Variants in COL6A3 observed in about 807,000 individuals in gnomAD.
COL6A3 encodes the protein collagen alpha-3(VI) chain.
In COL6A3, 137 loss-of-function variants were observed where a neutral mutation model predicts 274.1. The ratio of observed to expected loss-of-function variants is 0.50; its 90% CI spans 0.44 to 0.58. The LOEUF (loss-of-function observed/expected upper bound fraction) is 0.58, where lower values mean the gene tolerates loss of function less well. COL6A3 is among the 20% of genes least tolerant of loss of function. The pLI, the probability that COL6A3 is intolerant of heterozygous loss-of-function variation, is 0.00. For synonymous variants in COL6A3, 1,650 were observed against 1,650.6 expected, an observed-to-expected ratio of 1.00 and a Z score of 0.01; for missense variants, 3,950 against 4,124.9, an observed-to-expected ratio of 0.96 and a Z score of 1.16.
chr2:237,387,925 G>A lies in COL6A3; in HGVS notation c.969C>T (p.Gly323=). ...GFAGGELANI[G]LALDFVVENH... is the part of the protein sequence containing the mutation. ...TCTCCACCACGAAATCAAGGGCGAG[G>A]CCGATATTGGCCAACTCCCCACCAG... The change falls in exon 4 of 44, where the codon GGC becomes GGT. Residue 323 remains glycine, a synonymous_variant. Coordinates refer to ENST00000295550, the MANE Select transcript of COL6A3 (RefSeq NM_004369.4). The A allele has an allele frequency of 6.2e-7, 1 of 1,614,158 alleles. No individual in the cohort carries two copies. The highest frequency in any genetic ancestry group is 8.5e-7 in the Non-Finnish European group (1 of 1,180,020).
At chr2:237,378,586 G>A in intron 6 of COL6A3, 50 bp downstream of exon 6, 1 of 1,611,806 alleles carries the variant, frequency 6.2e-7, no homozygotes, top group Non-Finnish European at 8.5e-7. Flanking sequence ...TACCCTCCAG[G>A]GTGGTGTCTG....
At chr2:237,341,989 A>C in intron 37 of COL6A3, 76 bp downstream of exon 37, 24 of 1,144,874 alleles carry the variant, frequency 2.1e-5, no homozygotes, top group Non-Finnish European at 2.9e-5. Flanking sequence ...GATCATCATT[A>C]TTCTCTCACT....
Position 237,374,313 on chromosome 2 carries a change from G to A in COL6A3, c.3679+99C>T. 6.5e-7 allele frequency: 1 copy of A among 1,548,082 alleles called. No homozygotes were observed. The highest frequency in any genetic ancestry group is 8.8e-7 in the Non-Finnish European group (1 of 1,135,256). ...GTAATTTTAGTTTTCACTTCACATG[G>A]CAGGAAAAGCAAAATTGAGAACACC... On this transcript the variant is annotated intron_variant, in intron 8 of 43. Transcript: ENST00000295550. The surrounding 1 kb of genome is among the most constrained non-coding windows in gnomAD (Gnocchi z 4.8).
At chr2:237,386,667 C>T (rs1174469731) in intron 4 of COL6A3, 1 of 152,162 alleles carries the variant, frequency 6.6e-6, no homozygotes, top group Non-Finnish European at 1.5e-5. Context: ...ATTAGAGCAT[C>T]CCAGTGTGTA....
At chr2:237,384,237 T>G (rs1479520475) in intron 4 of COL6A3, among the ~76,000 whole-genome samples, 1 of 152,160 alleles carries the variant, frequency 6.6e-6, no homozygotes, top group African/African-American at 2.4e-5. Flanking sequence ...CTGACTCTTC[T>G]GTGAGCCACG....
At chr2:237,338,339 C>A (rs984154357) in intron 39 of COL6A3, among the ~76,000 whole-genome samples, 1 of 152,188 alleles carries the variant, frequency 6.6e-6, no homozygotes, top group African/African-American at 2.4e-5. Context: ...CCATCTGAGA[C>A]CACTCTAGAC....
Position 237,379,143 on chromosome 2 carries a change from T to C in COL6A3, c.1990A>G (p.Asn664Asp). ...CCAATATCAAGGCTGTTAACTAGGT[T>C]CATTACAAAGTCGCGCACATAAGGG... ...NFPYVRDFVMNLVNSLDIGND... is the reference protein window; with the variant it reads ...NFPYVRDFVMDLVNSLDIGND... The change falls in exon 6 of 44, where the codon AAC (asparagine) becomes GAC (aspartate). Residue 664 changes from asparagine (N) to aspartate (D), a missense_variant. By Grantham distance (23) the Asn-to-Asp change is conservative. Transcript: ENST00000295550. 1 of 1,614,242 alleles carries C rather than the reference T, an allele frequency of 6.2e-7. No homozygotes were observed. The highest frequency in any genetic ancestry group is 1.6e-4 in the Middle Eastern group (1 of 6,062).
At chr2:237,408,973 G>C (rs1478334244) in intron 1 of COL6A3, among the ~76,000 whole-genome samples, 1 of 152,154 alleles carries the variant, frequency 6.6e-6, no homozygotes, top group Non-Finnish European at 1.5e-5. Context: ...GGAATGGGAA[G>C]AGTACCTTTC....
At chr2:237,367,725 C>T (rs757682037) in intron 10 of COL6A3, among the ~76,000 whole-genome samples, 1 of 152,136 alleles carries the variant, frequency 6.6e-6, no homozygotes, top group South Asian at 2.1e-4. Flanking sequence ...GTGTGAGGTG[C>T]AAAGCAAGGA....
rs113746649 is a variant in COL6A3 at position 237,338,448 on chromosome 2, C to T, written c.8567+567G>A. On this transcript the variant is annotated intron_variant, in intron 39 of 43. Transcript: ENST00000295550. ...GTTGAGCCCAAACAAAAATTGCTAA[C>T]CCACAGAATTGCAAATTAAATAAGT... is the stretch of plus-strand genomic sequence containing the variant. 2.0e-5 allele frequency among the ~76,000 whole-genome samples: 3 copies of T among 152,184 alleles called. No individual in the cohort carries two copies. The South Asian group carries it at 6.2e-4, about 31-fold the overall frequency.
At chr2:237,331,646 T>C (rs1444702276) in intron 42 of COL6A3, among the ~76,000 whole-genome samples, 1 of 151,974 alleles carries the variant, frequency 6.6e-6, no homozygotes, top group South Asian at 2.1e-4. Flanking sequence ...CCAAGGCAGG[T>C]TAAGTGCTTG....
rs567246119 is a variant in COL6A3 at position 237,372,405 on chromosome 2, G to A, written c.3680-68C>T. On this transcript the variant is annotated intron_variant, in intron 8 of 43. Transcript: ENST00000295550. ...AAATTCTTAGCGTTCATGAGCCACCGCCCAGTTTGTCATGGATTCACAGGC... is the reference window on the plus strand; with the variant it reads ...AAATTCTTAGCGTTCATGAGCCACCACCCAGTTTGTCATGGATTCACAGGC... 3.0e-4 allele frequency: 476 copies of A among 1,599,260 alleles called. 7 individuals carry two copies. The highest frequency in any genetic ancestry group is 2.9e-3 in the Admixed American group (174 of 60,018).
At chr2:237,337,741 C>A (rs928438771) in intron 39 of COL6A3, among the ~76,000 whole-genome samples, 4 of 152,224 alleles carry the variant, frequency 2.6e-5, no homozygotes, top group African/African-American at 7.2e-5. Context: ...CACATCACCC[C>A]AGCTAGCCCT....
In COL6A3 at chr2:237,377,105, C is replaced by T. The variant is rs749677187; in HGVS notation, c.2737G>A (p.Ala913Thr). The T allele has an allele frequency of 1.2e-6, 2 of 1,614,220 alleles. No individual in the cohort carries two copies. Among genetic ancestry groups the T allele is most frequent in the Non-Finnish European group, 8.5e-7 (1 of 1,180,042 alleles). ...TCCAGCGCGTAGCCCAGGTTGAGGGCTTTGCCCGTCTTGATCTTCATTCTC... is the reference window on the plus strand; with the variant it reads ...TCCAGCGCGTAGCCCAGGTTGAGGGTTTTGCCCGTCTTGATCTTCATTCTC... Reference protein sequence around the residue: ...VKRMKIKTGKALNLGYALDYA... With the variant: ...VKRMKIKTGKTLNLGYALDYA... Residue 913 changes from alanine to threonine, a missense_variant, in exon 7 of 44, where the codon GCC (alanine) becomes ACC (threonine). Ala to Thr is a moderately conservative substitution (Grantham distance 58). Transcript: ENST00000295550.
At position 237,367,275 on chromosome 2, in the gene COL6A3, C is replaced by T. The variant is rs114322958; in HGVS notation, c.4912G>A (p.Ala1638Thr). The T allele has an allele frequency of 2.7e-4, 440 of 1,613,450 alleles. 2 individuals are homozygous for T. The East Asian group carries it at 6.2e-3, about 23-fold the overall frequency. The change falls in exon 11 of 44, where the codon GCA becomes ACA. Residue 1638 changes from alanine to threonine, a missense_variant. Coordinates refer to ENST00000295550, the MANE Select transcript of COL6A3 (RefSeq NM_004369.4). Reference sequence around the variant, plus strand: ...CCATCCAACAGGAACACAATGTCTGCTTTCTTCTTCTCTAGAAGTGATTAA... The same window carrying T: ...CCATCCAACAGGAACACAATGTCTGTTTTCTTCTTCTCTAGAAGTGATTAA... Reference protein sequence around the residue: ...PPPSRPEKKKADIVFLLDGSI... With the variant: ...PPPSRPEKKKTDIVFLLDGSI...
chr2:237,338,801 T>G (rs1421821487), intron 39 of COL6A3: 1 of 539,980 alleles, frequency 1.9e-6, no homozygotes, highest in East Asian at 3.2e-5. Context: ...AATAGGTGGT[T>G]GTTGTTTTAA....
intron 3 of COL6A3, among the ~76,000 whole-genome samples, chr2:237,393,870 C>T (rs546199988): frequency 3.3e-5 from 5 of 152,130 alleles, no homozygotes; most frequent in Admixed American, 6.5e-5. Context: ...ATGCAATGTC[C>T]GTGTGCTCTC....
At chr2:237,380,598 G>A (rs375076424) in intron 5 of COL6A3, among the ~76,000 whole-genome samples, 1 of 152,254 alleles carries the variant, frequency 6.6e-6, no homozygotes, top group East Asian at 1.9e-4. Flanking sequence ...AGTAGAAACA[G>A]AAGAACACAG....
chr2:237,408,255 T>C (rs1452196518), intron 1 of COL6A3, among the ~76,000 whole-genome samples: 2 of 152,250 alleles, frequency 1.3e-5, no homozygotes, highest in Non-Finnish European at 2.9e-5. Context: ...ACTGCCTCTG[T>C]CAGCAATGGT....
Sources: gnomAD v4.1 joint callset for allele counts (sites outside exome capture counted in the v4.1 genomes callset) on GRCh38, gnomAD v4.1.1 for gene constraint, Gnocchi (gnomAD v3.1) non-coding constraint, MANE v1.5 for transcripts, NCBI Gene and HGNC (gene_info 2026-07-23, HGNC 2026-07-21) for gene names.